Variants in ATP9B observed in about 807,000 individuals in gnomAD.
The protein encoded by ATP9B is probable phospholipid-transporting ATPase IIB.
Under a neutral mutation model 146.1 loss-of-function variants are expected in ATP9B, and 110 were observed. The ratio of observed to expected loss-of-function variants is 0.75; its 90% CI spans 0.65 to 0.88. ATP9B has a LOEUF of 0.88. Ranked by LOEUF, ATP9B falls within the 40% of genes least tolerant of loss-of-function variation. ATP9B has a pLI of 0.00. For missense variants in ATP9B, 1,499 were observed against 1,496.4 expected (o/e 1.00, Z -0.03); for synonymous variants, 604 against 569.7 (o/e 1.06, Z -0.86).
chr18:79,143,311 G>T (rs1004874749), intron 5 of ATP9B, among the ~76,000 whole-genome samples: 4 of 152,160 alleles, frequency 2.6e-5, no homozygotes, highest in Admixed American at 6.5e-5. Context: ...TAAAGTTTTA[G>T]ATATAACTTT....
At chr18:79,344,972 C>T (rs1479924660) in intron 21 of ATP9B, among the ~76,000 whole-genome samples, 1 of 152,210 alleles carries the variant, frequency 6.6e-6, no homozygotes, top group African/African-American at 2.4e-5. Context: ...ACAGCTTTTG[C>T]ACAGGCTCCT....
chr18:79,338,282 G>T (rs1194576277), intron 19 of ATP9B, among the ~76,000 whole-genome samples: 1 of 152,186 alleles, frequency 6.6e-6, no homozygotes, highest in Non-Finnish European at 1.5e-5. Context: ...CCCCAGAGAC[G>T]CCTGGACGTA....
chr18:79,318,604 G>A (rs2096696181), intron 15 of ATP9B, among the ~76,000 whole-genome samples: 1 of 152,240 alleles, frequency 6.6e-6, no homozygotes, highest in South Asian at 2.1e-4. Context: ...AATGAAGGAT[G>A]TCTGAATCAA....
intron 12 of ATP9B, among the ~76,000 whole-genome samples, chr18:79,264,390 C>T (rs1346029805): frequency 6.6e-6 from 1 of 152,172 alleles, no homozygotes; most frequent in Non-Finnish European, 1.5e-5. Flanking sequence ...TTCTGAGCAG[C>T]TTGCAGTTAT....
At chr18:79,208,547 G>A (rs1188041338) in intron 10 of ATP9B, among the ~76,000 whole-genome samples, 1 of 152,188 alleles carries the variant, frequency 6.6e-6, no homozygotes, top group South Asian at 2.1e-4. Context: ...CGAACTCCAG[G>A]AGGAGGACAC....
At chr18:79,358,911 G>T (rs923114595) in intron 25 of ATP9B, among the ~76,000 whole-genome samples, 1 of 151,048 alleles carries the variant, frequency 6.6e-6, no homozygotes, top group Non-Finnish European at 1.5e-5. Context: ...GGGGTGCTGT[G>T]GGTCTGGAGG....
Position 79,377,378 on chromosome 18 carries a change from T to C in ATP9B, c.3439T>C (p.Ser1147Pro), listed in dbSNP as rs764386443. ...LSPPSYCKLA[S>P] Reference sequence around the variant, plus strand: ...TCCTCCCAGCTACTGCAAGCTGGCCTCCTAAGGGGCTGTGCACCCCCAGCG... The same window carrying C: ...TCCTCCCAGCTACTGCAAGCTGGCCCCCTAAGGGGCTGTGCACCCCCAGCG... Residue 1147 changes from serine to proline, a missense_variant, in exon 30 of 30, where the codon TCC (serine) becomes CCC (proline). By Grantham distance (74) the Ser-to-Pro change is moderately conservative. Coordinates refer to ENST00000426216, the MANE Select transcript of ATP9B (RefSeq NM_198531.5). The C allele has an allele frequency of 1.9e-6, 3 of 1,607,718 alleles. No homozygotes were observed. The highest frequency in any genetic ancestry group is 2.2e-5 in the South Asian group (2 of 91,080).
intron 10 of ATP9B, among the ~76,000 whole-genome samples, chr18:79,212,886 A>G (rs1486864228): frequency 1.3e-5 from 2 of 152,190 alleles, no homozygotes; most frequent in African/African-American, 4.8e-5. Flanking sequence ...CAATTAAAAG[A>G]GAAATATATA....
intron 1 of ATP9B, among the ~76,000 whole-genome samples, chr18:79,088,288 C>G (rs965143269): frequency 3.9e-5 from 6 of 152,128 alleles, no homozygotes; most frequent in Non-Finnish European, 8.8e-5. Flanking sequence ...TGAAAAAGAT[C>G]AAAAGTCTCA....
chr18:79,348,047 G>A (rs1333442129), intron 24 of ATP9B, 85 bp from the exon 25 acceptor site: 1 of 1,605,058 alleles, frequency 6.2e-7, no homozygotes, highest in Non-Finnish European at 8.5e-7. Flanking sequence ...GCTGTGCTTA[G>A]GAGTTAGCGA....
intron 8 of ATP9B, among the ~76,000 whole-genome samples, chr18:79,192,453 G>A (rs1445885942): frequency 6.6e-6 from 1 of 152,182 alleles, no homozygotes; most frequent in Admixed American, 6.5e-5. Context: ...AAAGCATACA[G>A]CAGAGTCAGC....
intron 10 of ATP9B, chr18:79,209,557 T>A (rs1026975799): frequency 1.6e-6 from 1 of 617,846 alleles, no homozygotes; most frequent in Non-Finnish European, 2.0e-6. Flanking sequence ...GTTCTCTTGA[T>A]GACCTTGGCA....
intron 11 of ATP9B, among the ~76,000 whole-genome samples, chr18:79,220,114 G>T (rs1257121159): frequency 2.6e-5 from 4 of 152,124 alleles, no homozygotes; most frequent in African/African-American, 7.2e-5. Context: ...AGGGACAGCC[G>T]GTCGTGATGG....
At chr18:79,109,422 A>G (rs1208061608) in intron 2 of ATP9B, among the ~76,000 whole-genome samples, 3 of 152,178 alleles carry the variant, frequency 2.0e-5, no homozygotes, top group Non-Finnish European at 4.4e-5. Context: ...AAACCCAGAC[A>G]CTATTGGAAC....
At chr18:79,098,602 C>T (rs2075009214) in intron 2 of ATP9B, among the ~76,000 whole-genome samples, 1 of 152,028 alleles carries the variant, frequency 6.6e-6, no homozygotes, top group Non-Finnish European at 1.5e-5. Context: ...CAAAAGAAGA[C>T]ATTTATGCAG....
At chr18:79,307,269 G>T (rs373775399) in intron 15 of ATP9B, 35 bp downstream of exon 15, 2 of 1,612,618 alleles carry the variant, frequency 1.2e-6, no homozygotes, top group Non-Finnish European at 1.7e-6. Flanking sequence ...GAGCTTGTCC[G>T]TTCCATTTGG....
At chr18:79,365,884 C>T (rs2097024822) in intron 26 of ATP9B, among the ~76,000 whole-genome samples, 1 of 151,218 alleles carries the variant, frequency 6.6e-6, no homozygotes, top group South Asian at 2.1e-4. Flanking sequence ...TCTCCGTGGA[C>T]GGGGACAGCC....
chr18:79,182,558 C>G (rs375854256), intron 8 of ATP9B, among the ~76,000 whole-genome samples: 2 of 152,032 alleles, frequency 1.3e-5, no homozygotes, highest in Non-Finnish European at 2.9e-5. Flanking sequence ...CTTTGTTTCT[C>G]CTCTCCCTGG....
intron 17 of ATP9B, 88 bp from the exon 18 acceptor site, chr18:79,336,540 G>A (rs1279931928): frequency 2.5e-6 from 3 of 1,212,352 alleles, no homozygotes; most frequent in African/African-American, 1.5e-5. Context: ...CAGGGCACCA[G>A]CAATCAGAGT....
Sources: gnomAD v4.1 joint callset for allele counts (sites outside exome capture counted in the v4.1 genomes callset) on GRCh38, gnomAD v4.1.1 for gene constraint, MANE v1.5 for transcripts, NCBI Gene and HGNC (gene_info 2026-07-23, HGNC 2026-07-21) for gene names.